Variants in CDH9 observed in about 807,000 individuals in gnomAD.
CDH9 encodes cadherin 9, also known as cadherin-9.
A neutral mutation model predicts 70.9 loss-of-function variants in CDH9; 28 were observed. The ratio of observed to expected loss-of-function variants is 0.40; its 90% CI spans 0.29 to 0.54. The LOEUF (loss-of-function observed/expected upper bound fraction) is 0.54, where lower values mean the gene tolerates loss of function less well. CDH9 is among the 20% of genes least tolerant of loss of function. The probability of loss-of-function intolerance (pLI) is 0.59; values close to 1 mark genes in which losing one functional copy is unlikely to be tolerated. For missense variants in CDH9, 874 were observed against 984.4 expected (o/e 0.89, Z 1.50); for synonymous variants, 409 against 343.1 (o/e 1.19, Z -2.12).
chr5:26,890,393 GA>G, intron 8 of CDH9, 34 bp downstream of exon 8: 1 of 1,592,316 alleles, frequency 6.3e-7, no homozygotes, highest in South Asian at 1.1e-5. Context: ...TTTGATGAAA[GA>G]CAGTGTCTTC....
chr5:26,925,253 G>T (rs183814165), intron 2 of CDH9, among the ~76,000 whole-genome samples: 2 of 152,226 alleles, frequency 1.3e-5, no homozygotes, highest in East Asian at 3.9e-4. Flanking sequence ...TCTAACTGGT[G>T]TGAGATAGTA....
chr5:26,988,118 T>C lies in CDH9; in HGVS notation c.216A>G (p.Gln72=). ...CAAAAATTCTTACCTTGCCTACATA[T>C]TGTGTGTCAGTACCTGTGTACTCTT... The part of the protein sequence containing the change: ...LLEEYTGTDT[Q]YVGKLHTDQD... Residue 72 remains glutamine, a synonymous_variant, in exon 2 of 12, where the codon CAA becomes CAG. Coordinates refer to ENST00000231021, the MANE Select transcript of CDH9 (RefSeq NM_016279.4). 1 of 1,609,786 alleles carries C rather than the reference T, an allele frequency of 6.2e-7. No individual in the cohort carries two copies. Among genetic ancestry groups the C allele is most frequent in the Non-Finnish European group, 8.5e-7 (1 of 1,176,996 alleles).
At chr5:26,886,531 T>C (rs1740569990) in intron 9 of CDH9, among the ~76,000 whole-genome samples, 1 of 151,938 alleles carries the variant, frequency 6.6e-6, no homozygotes, top group South Asian at 2.1e-4. Flanking sequence ...ATCCCTCCTA[T>C]ATATTAACAA....
At chr5:26,941,587 T>G (rs770223160) in intron 2 of CDH9, among the ~76,000 whole-genome samples, 1 of 152,214 alleles carries the variant, frequency 6.6e-6, no homozygotes. Context: ...GAGTTCATTA[T>G]GTTGAGGACA....
At position 26,902,459 on chromosome 5, in the gene CDH9, GTT is replaced by G. The variant is rs1740872525; in HGVS notation, c.1253+15_1253+16del. 6.4e-7 allele frequency: 1 copy of G among 1,553,988 alleles called. No individual in the cohort carries two copies. The highest frequency in any genetic ancestry group is 1.4e-5 in the African/African-American group (1 of 73,094). On this transcript the variant is annotated intron_variant, in intron 7 of 11. Transcript: ENST00000231021. ...TTATATTTCTAAAAACATAATAAAT[GTT>G]TTCAAAGTACTTACTTTATTAAATT...
intron 1 of CDH9, among the ~76,000 whole-genome samples, chr5:27,022,393 T>A (rs928170325): frequency 1.3e-5 from 2 of 152,088 alleles, no homozygotes; most frequent in Non-Finnish European, 2.9e-5. Flanking sequence ...ATTGAACAGT[T>A]GTATTGACAA....
chr5:26,936,305 G>T lies in CDH9; in HGVS notation c.229-20381C>A, dbSNP rs544958075. On this transcript the variant is annotated intron_variant, in intron 2 of 11. Coordinates refer to ENST00000231021, the MANE Select transcript of CDH9 (RefSeq NM_016279.4). ...TCTATAGCAATTACCACTTGAGATT[G>T]TAATTAAAAAGACAAAATTATCTAC... Among the ~76,000 whole-genome samples the T allele has an allele frequency of 3.3e-5, 5 of 152,028 alleles. No homozygotes were observed. In the East Asian group the frequency reaches 7.7e-4, roughly 24 times the overall value.
intron 2 of CDH9, among the ~76,000 whole-genome samples, chr5:26,963,829 G>GA (rs200342706): frequency 0.075 from 11,390 of 152,054 alleles, 486 homozygotes; most frequent in Middle Eastern, 0.18. Context: ...AAATAAGGGG[G>GA]AAAATGTATC....
intron 7 of CDH9, among the ~76,000 whole-genome samples, chr5:26,899,075 C>A (rs1262398079): frequency 6.6e-6 from 1 of 152,120 alleles, no homozygotes; most frequent in African/African-American, 2.4e-5. Flanking sequence ...AAAAAAAGCT[C>A]ATCATCACTG....
At chr5:26,969,938 T>C (rs35394680) in intron 2 of CDH9, among the ~76,000 whole-genome samples, 1 of 138,798 alleles carries the variant, frequency 7.2e-6, no homozygotes, top group Non-Finnish European at 1.6e-5. Context: ...ATATATATAA[T>C]ATATATACAC....
At chr5:26,990,946 T>C (rs1359044837) in intron 1 of CDH9, among the ~76,000 whole-genome samples, 1 of 152,178 alleles carries the variant, frequency 6.6e-6, no homozygotes, top group African/African-American at 2.4e-5. Context: ...TTTTATGAGA[T>C]GGGGCAATAG....
intron 3 of CDH9, among the ~76,000 whole-genome samples, chr5:26,912,037 A>T (rs941699304): frequency 3.3e-5 from 5 of 152,174 alleles, no homozygotes; most frequent in African/African-American, 4.8e-5. Flanking sequence ...AGAAAATAAC[A>T]TTGTAAAGAA....
chr5:26,935,650 C>G (rs1741545675), intron 2 of CDH9, among the ~76,000 whole-genome samples: 1 of 152,120 alleles, frequency 6.6e-6, no homozygotes, highest in South Asian at 2.1e-4. Flanking sequence ...TTTTAAACTG[C>G]TGGAGGGAAT....
chr5:26,892,417 C>T lies in CDH9; in HGVS notation c.1254-1853G>A, dbSNP rs531363793. On this transcript the variant is annotated intron_variant, in intron 7 of 11. Coordinates refer to ENST00000231021, the MANE Select transcript of CDH9 (RefSeq NM_016279.4). ...CTCTTAGATGAATCCTATGCTGTAG[C>T]TCCACAGGCTAGGTTTTATATAGCA... Among the ~76,000 whole-genome samples the T allele has an allele frequency of 7.2e-5, 11 of 152,224 alleles. No homozygotes were observed. The South Asian group carries it at 1.0e-3, about 14-fold the overall frequency.
intron 1 of CDH9, among the ~76,000 whole-genome samples, chr5:27,005,254 C>T (rs563961554): frequency 6.6e-6 from 1 of 152,052 alleles, no homozygotes; most frequent in African/African-American, 2.4e-5. Flanking sequence ...TAGAAAGTTT[C>T]TTAAGAAATT....
At chr5:26,896,503 A>G (rs1740753252) in intron 7 of CDH9, among the ~76,000 whole-genome samples, 1 of 151,650 alleles carries the variant, frequency 6.6e-6, no homozygotes, top group African/African-American at 2.4e-5. Context: ...TCATTTCATT[A>G]TAGAATAGAA....
At chr5:27,026,030 T>C (rs1743214818) in intron 1 of CDH9, among the ~76,000 whole-genome samples, 1 of 152,034 alleles carries the variant, frequency 6.6e-6, no homozygotes, top group Non-Finnish European at 1.5e-5. Flanking sequence ...GTTAAAATTT[T>C]AATACTTTAT....
rs114685267 is a variant in CDH9 at position 26,956,707 on chromosome 5, G to A, written c.228+31399C>T. On this transcript the variant is annotated intron_variant, in intron 2 of 11. Transcript: ENST00000231021. ...ATGACACAGAGAGAAGATCCTTACA[G>A]GATGGTAGCACCTTGATACTGGATT... Among the ~76,000 whole-genome samples the A allele has an allele frequency of 5.9e-3, 900 of 152,086 alleles. 9 individuals carry two copies. Among genetic ancestry groups the A allele is most frequent in the African/African-American group, 0.021 (866 of 41,478 alleles).
chr5:26,895,757 C>T (rs192727238), intron 7 of CDH9, among the ~76,000 whole-genome samples: 10 of 152,030 alleles, frequency 6.6e-5, no homozygotes, highest in Admixed American at 3.9e-4. Flanking sequence ...CAGATTTAAT[C>T]GTGGATGAGA....
Sources: gnomAD v4.1 joint callset for allele counts (sites outside exome capture counted in the v4.1 genomes callset) on GRCh38, gnomAD v4.1.1 for gene constraint, MANE v1.5 for transcripts, NCBI Gene and HGNC (gene_info 2026-07-23, HGNC 2026-07-21) for gene names.